The following ANKRD44 variants were observed in gnomAD, a reference collection of about 807,000 sequenced individuals.
ANKRD44 encodes serine/threonine-protein phosphatase 6 regulatory ankyrin repeat subunit B.
Under a neutral mutation model 116.0 loss-of-function variants are expected in ANKRD44, and 35 were observed. That is an observed-to-expected ratio of 0.30 (90% CI 0.23 to 0.40). The LOEUF (loss-of-function observed/expected upper bound fraction) is 0.40. Among genes scored for constraint, ANKRD44 ranks in the 10% least tolerant of loss-of-function variants. The probability of loss-of-function intolerance (pLI) is 1.00; values close to 1 mark genes in which losing one functional copy is unlikely to be tolerated. For synonymous variants in ANKRD44, 435 were observed against 461.8 expected (o/e 0.94, Z 0.74); for missense variants, 1,014 against 1,242.6 (o/e 0.82, Z 2.77).
Position 197,125,450 on chromosome 2 carries a change from C to T in ANKRD44, c.481G>A (p.Ala161Thr). 6.2e-7 allele frequency: 1 copy of T among 1,613,836 alleles called. No homozygotes were observed. Among genetic ancestry groups the T allele is most frequent in the Non-Finnish European group, 8.5e-7 (1 of 1,179,986 alleles). The part of the protein sequence containing the change: ...GHVEMVNLLL[A>T]KGANINAFDK... ...AATGCATTGATATTTGCCCCTTTGG[C>T]CAAGAGTAAATTGACCATCTGAAAG... The change falls in exon 6 of 28, where the codon GCC (alanine) becomes ACC (threonine). Residue 161 changes from alanine (A) to threonine (T), a missense_variant. Ala to Thr is a moderately conservative substitution (Grantham distance 58). Coordinates refer to ENST00000282272, the MANE Select transcript of ANKRD44 (RefSeq NM_001195144.2).
At chr2:197,241,393 C>A (rs940014004) in intron 1 of ANKRD44, among the ~76,000 whole-genome samples, 1 of 152,130 alleles carries the variant, frequency 6.6e-6, no homozygotes, top group African/African-American at 2.4e-5. Flanking sequence ...CCAAGAGGGG[C>A]ACAGTAAATA....
chr2:197,239,851 T>C, intron 1 of ANKRD44, among the ~76,000 whole-genome samples: 1 of 152,160 alleles, frequency 6.6e-6, no homozygotes, highest in East Asian at 1.9e-4. Flanking sequence ...AACATAAAAA[T>C]ATGACCAGGT....
chr2:197,229,515 T>G (rs2081805614), intron 1 of ANKRD44, among the ~76,000 whole-genome samples: 1 of 152,230 alleles, frequency 6.6e-6, no homozygotes, highest in African/African-American at 2.4e-5. Flanking sequence ...CTTAATGAAT[T>G]AAATAACAAT....
At chr2:196,979,059 GATA>G (rs981363109) in intron 21 of ANKRD44, among the ~76,000 whole-genome samples, 6 of 152,012 alleles carry the variant, frequency 3.9e-5, no homozygotes, top group Non-Finnish European at 5.9e-5. Flanking sequence ...GAGTTCTTGA[GATA>G]ATAATAATAT....
chr2:197,232,761 C>T (rs1171855195), intron 1 of ANKRD44, among the ~76,000 whole-genome samples: 1 of 152,170 alleles, frequency 6.6e-6, no homozygotes, highest in African/African-American at 2.4e-5. Flanking sequence ...CCTTGCCTGG[C>T]TTTGTCCCCT....
intron 16 of ANKRD44, among the ~76,000 whole-genome samples, chr2:197,050,103 GA>G (rs2077078033): frequency 6.6e-6 from 1 of 152,234 alleles, no homozygotes; most frequent in South Asian, 2.1e-4. Flanking sequence ...ATGGCAGAAG[GA>G]AAAGGGGGCA....
chr2:197,206,606 C>CCGGGAGGCAGAGG (rs1429329343), intron 1 of ANKRD44, among the ~76,000 whole-genome samples: 1 of 151,976 alleles, frequency 6.6e-6, no homozygotes, highest in East Asian at 1.9e-4. Context: ...TGGCTTGAAC[C>CCGGGAGGCAGAGG]TGGGAGGCAG....
chr2:197,139,182 A>G (rs1387493389), intron 3 of ANKRD44, among the ~76,000 whole-genome samples: 1 of 152,154 alleles, frequency 6.6e-6, no homozygotes, highest in Admixed American at 6.5e-5. Context: ...CACCCCAATC[A>G]TATACCCTAG....
intron 1 of ANKRD44, among the ~76,000 whole-genome samples, chr2:197,216,955 A>AG (rs1281213100): frequency 2.6e-5 from 4 of 152,002 alleles, no homozygotes; most frequent in Non-Finnish European, 4.4e-5. Context: ...AGAAAAAAAA[A>AG]GGACTCAGTG....
intron 16 of ANKRD44, among the ~76,000 whole-genome samples, chr2:197,028,140 A>T (rs2076633658): frequency 6.6e-6 from 1 of 152,224 alleles, no homozygotes; most frequent in Admixed American, 6.5e-5. Context: ...AATAATAACT[A>T]GCAATAGTAT....
At chr2:197,042,134 T>C (rs1453906139) in intron 16 of ANKRD44, among the ~76,000 whole-genome samples, 1 of 152,200 alleles carries the variant, frequency 6.6e-6, no homozygotes, top group Non-Finnish European at 1.5e-5. Flanking sequence ...CCTGATTTTG[T>C]GTGTGTGTCA....
At position 197,072,624 on chromosome 2, in the gene ANKRD44, T is replaced by C. The variant is rs148778701; in HGVS notation, c.1650+6079A>G. Among the ~76,000 whole-genome samples the C allele has an allele frequency of 3.3e-3, 507 of 152,346 alleles. 3 individuals are homozygous for C. The highest frequency in any genetic ancestry group is 0.011 in the African/African-American group (463 of 41,576). On this transcript the variant is annotated intron_variant, in intron 16 of 27. Transcript: ENST00000282272. ...AGTCACTCACAGTGTATTTCACTTG[T>C]TCAACAACTTTTGGCACCTGATAAG...
intron 1 of ANKRD44, among the ~76,000 whole-genome samples, chr2:197,291,293 T>G (rs772666265): frequency 6.6e-5 from 10 of 151,996 alleles, no homozygotes; most frequent in Non-Finnish European, 8.8e-5. Context: ...GTGGATCACC[T>G]GAGGTCAGCA....
chr2:197,308,173 A>AC (rs1491577113), intron 1 of ANKRD44, among the ~76,000 whole-genome samples: 13 of 124,320 alleles, frequency 1.0e-4, no homozygotes, highest in South Asian at 5.3e-4. Context: ...ACACACACAC[A>AC]AAAAAAAAAA....
chr2:196,993,765 T>A, intron 26 of ANKRD44, 91 bp from the exon 27 acceptor site: 1 of 1,010,992 alleles, frequency 9.9e-7, no homozygotes, highest in East Asian at 2.6e-5. Context: ...AAGGAAGAAG[T>A]ACTTAGACTC....
At chr2:197,146,772 T>C (rs2079515794) in intron 3 of ANKRD44, among the ~76,000 whole-genome samples, 1 of 152,166 alleles carries the variant, frequency 6.6e-6, no homozygotes, top group African/African-American at 2.4e-5. Flanking sequence ...ACTGAATTCA[T>C]CTACAATGCT....
downstream of ANKRD44, among the ~76,000 whole-genome samples, chr2:196,982,108 T>TTTATATATATATATATATATATATA (rs150861089): frequency 1.0e-5 from 1 of 96,552 alleles, no homozygotes; most frequent in Non-Finnish European, 2.1e-5. Flanking sequence ...CTAAAAAAAA[T>TTTATATATATATATATATATATATA]TATATATATA....
chr2:197,302,592 A>T (rs1412312730), intron 1 of ANKRD44: 5 of 152,234 alleles, frequency 3.3e-5, no homozygotes, highest in Non-Finnish European at 1.5e-5. Flanking sequence ...ATTGTTTCAC[A>T]ATAATTGGTT....
At chr2:197,303,223 T>C (rs1301960416) in intron 1 of ANKRD44, among the ~76,000 whole-genome samples, 1 of 152,216 alleles carries the variant, frequency 6.6e-6, no homozygotes, top group African/African-American at 2.4e-5. Context: ...CAGATACTTT[T>C]TGAACTGAGA....
Sources: allele counts gnomAD v4.1 joint callset (sites outside exome capture counted in the v4.1 genomes callset), GRCh38; gene constraint gnomAD v4.1.1; transcripts MANE v1.5; gene names NCBI Gene and HGNC (gene_info 2026-07-23, HGNC 2026-07-21).